C2CD3: variants seen among roughly 807,000 people sequenced by gnomAD.
C2CD3 encodes C2 domain-containing protein 3.
Under a neutral mutation model 234.0 loss-of-function variants are expected in C2CD3, and 148 were observed. That is an observed-to-expected ratio of 0.63 (90% CI 0.55 to 0.72). The LOEUF is 0.72. C2CD3 is among the 30% of genes least tolerant of loss of function. C2CD3 has a pLI of 0.00. For missense variants in C2CD3, 2,577 were observed against 2,811.5 expected, an observed-to-expected ratio of 0.92 and a Z score of 1.89; for synonymous variants, 1,000 against 1,035.4, an observed-to-expected ratio of 0.97 and a Z score of 0.66.
intron 7 of C2CD3, among the ~76,000 whole-genome samples, chr11:74,132,485 C>A (rs1384693521): frequency 6.6e-6 from 1 of 152,224 alleles, no homozygotes; most frequent in Non-Finnish European, 1.5e-5. Flanking sequence ...ACCAATGCCT[C>A]TGAAGTTCAG....
Position 74,170,926 on chromosome 11 carries a change from A to G in C2CD3, c.-134T>C. Reference sequence around the variant, plus strand: ...CTGGGCAGCCTGGGAGGCAGGAAAAAGCGACTCTTCCTCTAACAGTCTCCG... The same window carrying G: ...CTGGGCAGCCTGGGAGGCAGGAAAAGGCGACTCTTCCTCTAACAGTCTCCG... On this transcript the variant is annotated 5_prime_UTR_variant, in exon 1 of 33. Transcript: ENST00000334126. The G allele has an allele frequency of 6.6e-7, 1 of 1,513,808 alleles. No individual in the cohort carries two copies. Among genetic ancestry groups the G allele is most frequent in the Non-Finnish European group, 8.8e-7 (1 of 1,135,270 alleles). The allele number at this position is 1,513,808 out of a possible 1,614,324, so 93.8% of individuals were successfully genotyped here.
chr11:74,126,823 C>T (rs1362197304), intron 7 of C2CD3, among the ~76,000 whole-genome samples: 1 of 151,982 alleles, frequency 6.6e-6, no homozygotes, highest in Non-Finnish European at 1.5e-5. Flanking sequence ...TGTGACCAAC[C>T]ATCACCACTC....
At chr11:74,097,168 A>G (rs1006052785) in intron 16 of C2CD3, among the ~76,000 whole-genome samples, 2 of 152,084 alleles carry the variant, frequency 1.3e-5, no homozygotes, top group African/African-American at 4.8e-5. Flanking sequence ...AAAAAAATCT[A>G]ACAAATAACT....
At chr11:74,040,367 C>T (rs1422493758) in intron 29 of C2CD3, among the ~76,000 whole-genome samples, 1 of 152,150 alleles carries the variant, frequency 6.6e-6, no homozygotes, top group Admixed American at 6.5e-5. Context: ...TGGTCTATAG[C>T]ACTATTGATC....
intron 7 of C2CD3, among the ~76,000 whole-genome samples, chr11:74,125,218 G>A (rs891938518): frequency 6.6e-6 from 1 of 152,268 alleles, no homozygotes; most frequent in African/African-American, 2.4e-5. Flanking sequence ...AGCCTGGAGT[G>A]CACTGGTGTG....
intron 14 of C2CD3, among the ~76,000 whole-genome samples, chr11:74,102,460 A>C (rs149658445): frequency 6.6e-6 from 1 of 152,364 alleles, no homozygotes; most frequent in African/African-American, 2.4e-5. Flanking sequence ...TAGACATGGA[A>C]GTTATCTTCA....
chr11:74,094,910 T>C (rs1424675216), intron 17 of C2CD3, among the ~76,000 whole-genome samples: 1 of 152,174 alleles, frequency 6.6e-6, no homozygotes, highest in Admixed American at 6.5e-5. Context: ...AATCAACTTA[T>C]ACTATGTGTA....
chr11:74,103,867 T>C (rs937867056), intron 13 of C2CD3, among the ~76,000 whole-genome samples: 4 of 152,154 alleles, frequency 2.6e-5, no homozygotes, highest in Admixed American at 1.3e-4. Context: ...GAATATAAGA[T>C]AGTTCCCAGA....
At position 74,092,424 on chromosome 11, in the gene C2CD3, T is replaced by C. The variant is rs768518035; in HGVS notation, c.3509A>G (p.Gln1170Arg). The C allele has an allele frequency of 1.1e-5, 18 of 1,613,194 alleles. No individual in the cohort carries two copies. The Admixed American group carries it at 2.3e-4, about 21-fold the overall frequency. Residue 1170 changes from glutamine (Q) to arginine (R), a missense_variant, in exon 19 of 33, where the codon CAG (glutamine) becomes CGG (arginine). Gln to Arg is a conservative substitution (Grantham distance 43, BLOSUM62 1). Coordinates refer to ENST00000334126, the MANE Select transcript of C2CD3 (RefSeq NM_001286577.2). ...AACTTGTTTTCAATTACCTGATGAC[T>C]GGTTCCTCAATTCTTTCCTGTTCTC... ...RIENRKELRN[Q>R]SSGLLDVGLR...
At chr11:74,157,892 T>C (rs771832267) in intron 3 of C2CD3, among the ~76,000 whole-genome samples, 2 of 152,178 alleles carry the variant, frequency 1.3e-5, no homozygotes, top group South Asian at 2.1e-4. Context: ...CCATCTCTTA[T>C]CTCTGTATAT....
chr11:74,092,173 C>T (rs1955921761), intron 19 of C2CD3, among the ~76,000 whole-genome samples: 1 of 151,912 alleles, frequency 6.6e-6, no homozygotes. Context: ...CTGCCTCAGC[C>T]TCCCAAGTAG....
At chr11:74,139,232 T>A (rs1957966691) in intron 4 of C2CD3, among the ~76,000 whole-genome samples, 1 of 152,142 alleles carries the variant, frequency 6.6e-6, no homozygotes, top group South Asian at 2.1e-4. Flanking sequence ...ACAAAGCAAA[T>A]GCTTCATAAA....
intron 22 of C2CD3, among the ~76,000 whole-genome samples, chr11:74,079,427 G>C (rs56877251): frequency 0.012 from 1,810 of 151,778 alleles, 33 homozygotes; most frequent in African/African-American, 0.041. Flanking sequence ...GGGTCGTGTT[G>C]TGATACCCAG....
intron 3 of C2CD3, among the ~76,000 whole-genome samples, chr11:74,157,183 ATAACTT>A (rs1168496308): frequency 6.6e-6 from 1 of 152,244 alleles, no homozygotes; most frequent in Non-Finnish European, 1.5e-5. Flanking sequence ...CAAATAGACT[ATAACTT>A]TAATATTGTT....
Position 74,013,186 on chromosome 11 carries a change from G to C in C2CD3, c.*199C>G. 2.7e-6 allele frequency: 1 copy of C among 365,580 alleles called. No individual in the cohort carries two copies. The highest frequency in any genetic ancestry group is 4.9e-6 in the Non-Finnish European group (1 of 205,862). 22.6% of individuals were successfully genotyped at this position (365,580 alleles called of 1,614,324 possible). A position where few individuals can be genotyped will look rare whatever the true frequency, so the allele number is the denominator to read the frequency against. ...ACAGAAAAAAGGAGCTGAAATTCTG[G>C]CAAGTGGACACTGGACTGGTTTGGG... On this transcript the variant is annotated 3_prime_UTR_variant, in exon 33 of 33. Transcript: ENST00000334126.
intron 22 of C2CD3, among the ~76,000 whole-genome samples, chr11:74,079,390 G>A (rs1204983468): frequency 6.6e-6 from 1 of 151,898 alleles, no homozygotes; most frequent in East Asian, 1.9e-4. Context: ...AGGTTTGTGG[G>A]TTTGTTTGTT....
intron 18 of C2CD3, among the ~76,000 whole-genome samples, chr11:74,093,526 A>G (rs1955978324): frequency 6.6e-6 from 1 of 152,022 alleles, no homozygotes; most frequent in South Asian, 2.1e-4. Context: ...GGGACGCACA[A>G]AAAAGGTGAT....
chr11:74,136,804 T>C (rs900444944), intron 5 of C2CD3, among the ~76,000 whole-genome samples: 1 of 151,750 alleles, frequency 6.6e-6, no homozygotes, highest in African/African-American at 2.4e-5. Flanking sequence ...CTGTCGGGGG[T>C]AGGGGGCTAG....
chr11:74,067,745 C>A (rs1954609125), intron 24 of C2CD3, among the ~76,000 whole-genome samples: 1 of 152,068 alleles, frequency 6.6e-6, no homozygotes, highest in African/African-American at 2.4e-5. Flanking sequence ...GAGCATCCAC[C>A]CCCACCTACT....
Sources: gnomAD v4.1 joint callset for allele counts (sites outside exome capture counted in the v4.1 genomes callset) on GRCh38, gnomAD v4.1.1 for gene constraint, MANE v1.5 for transcripts, NCBI Gene and HGNC (gene_info 2026-07-23, HGNC 2026-07-21) for gene names.